SLC5A1: variants seen among roughly 807,000 people sequenced by gnomAD.
SLC5A1 encodes solute carrier family 5 member 1.
SLC5A1 carries 42 observed loss-of-function variants against 73.5 expected under a neutral mutation model. The ratio of observed to expected loss-of-function variants is 0.57; its 90% CI spans 0.45 to 0.74. The LOEUF (loss-of-function observed/expected upper bound fraction) is 0.74. Ranked by LOEUF, SLC5A1 falls within the 30% of genes least tolerant of loss-of-function variation. The probability of loss-of-function intolerance (pLI) is 0.00; values close to 1 mark genes in which losing one functional copy is unlikely to be tolerated. For synonymous variants in SLC5A1, 300 were observed against 317.4 expected (o/e 0.95, Z 0.58); for missense variants, 634 against 855.4 (o/e 0.74, Z 3.23).
At chr22:32,046,472 C>T (rs891926671) in intron 1 of SLC5A1, among the ~76,000 whole-genome samples, 2 of 151,942 alleles carry the variant, frequency 1.3e-5, no homozygotes, top group East Asian at 1.9e-4. Flanking sequence ...TAGAAACTCT[C>T]CCAAGTGGCT....
chr22:32,053,594 A>G (rs1009500833), intron 2 of SLC5A1, among the ~76,000 whole-genome samples: 1 of 152,152 alleles, frequency 6.6e-6, no homozygotes, highest in African/African-American at 2.4e-5. Context: ...TCTAGTTAGT[A>G]CCTAAGCATC....
At chr22:32,076,269 T>A (rs1004515371) in intron 5 of SLC5A1, among the ~76,000 whole-genome samples, 1 of 152,226 alleles carries the variant, frequency 6.6e-6, no homozygotes, top group African/African-American at 2.4e-5. Flanking sequence ...TGGTCACGTA[T>A]TTTTGGGCTC....
chr22:32,056,552 G>C (rs2093952267), intron 2 of SLC5A1, among the ~76,000 whole-genome samples: 1 of 148,864 alleles, frequency 6.7e-6, no homozygotes, highest in Non-Finnish European at 1.5e-5. Flanking sequence ...AAGATAGGCA[G>C]ACTTAACTGT....
At chr22:32,067,878 T>A in intron 3 of SLC5A1, 89 bp from the exon 4 acceptor site, 1 of 1,384,562 alleles carries the variant, frequency 7.2e-7, no homozygotes, top group South Asian at 1.2e-5. Context: ...TGCTGGGTAA[T>A]TTTTCTGCAG....
chr22:32,051,783 A>G (rs2093945406), intron 2 of SLC5A1, among the ~76,000 whole-genome samples: 1 of 152,262 alleles, frequency 6.6e-6, no homozygotes, highest in Non-Finnish European at 1.5e-5. Flanking sequence ...CAGATTCTAA[A>G]TATTTCTAGC....
In SLC5A1 at chr22:32,049,177, C is replaced by A. The variant is rs1238436723; in HGVS notation, c.136-766C>A. Reference sequence around the variant, plus strand: ...TATTATATATAATCTATATCTATATCTATATCTATATCTATATCTATATCT... The same window carrying A: ...TATTATATATAATCTATATCTATATATATATCTATATCTATATCTATATCT... On this transcript the variant is annotated intron_variant, in intron 1 of 14. Coordinates refer to ENST00000266088, the MANE Select transcript of SLC5A1 (RefSeq NM_000343.4). Among the ~76,000 whole-genome samples the A allele has an allele frequency of 5.5e-3, 94 of 17,054 alleles. 1 individual carries two copies. Among genetic ancestry groups the A allele is most frequent in the African/African-American group, 9.4e-3 (87 of 9,268 alleles). The allele number at this position is 17,054 out of a possible 152,430, so 11.2% of individuals were successfully genotyped here.
At chr22:32,063,323 G>A (rs760665869) in intron 2 of SLC5A1, among the ~76,000 whole-genome samples, 4 of 152,198 alleles carry the variant, frequency 2.6e-5, no homozygotes, top group Non-Finnish European at 4.4e-5. Context: ...AGGAGGGAAG[G>A]GACACTGATT....
At chr22:32,089,767 T>C (rs942871911) in intron 10 of SLC5A1, among the ~76,000 whole-genome samples, 2 of 152,162 alleles carry the variant, frequency 1.3e-5, no homozygotes, top group African/African-American at 4.8e-5. Context: ...ATGTATCAGA[T>C]GGATGATAGG....
chr22:32,049,879 T>A lies in SLC5A1; in HGVS notation c.136-64T>A. 4.6e-6 allele frequency: 6 copies of A among 1,304,596 alleles called. 1 individual carries two copies. In the South Asian group the frequency reaches 7.1e-5, roughly 15 times the overall value. 80.8% of individuals were successfully genotyped at this position (1,304,596 alleles called of 1,614,324 possible). On this transcript the variant is annotated intron_variant, in intron 1 of 14. Coordinates refer to ENST00000266088, the MANE Select transcript of SLC5A1 (RefSeq NM_000343.4). ...GAAGGTGCACGAATGGGGAGGTATGTCCTTTTGGCTGGCAAGGCCACTCTT... is the reference window on the plus strand; with the variant it reads ...GAAGGTGCACGAATGGGGAGGTATGACCTTTTGGCTGGCAAGGCCACTCTT...
At position 32,067,155 on chromosome 22, in the gene SLC5A1, G is replaced by C. The variant is rs992794114; in HGVS notation, c.312+116G>C. On this transcript the variant is annotated intron_variant, in intron 3 of 14. Transcript: ENST00000266088. ...TAGGGAACCCTTCAGGGTCACCCCAGGGTGCAGACAGAGGAGGGGCATGAC... is the reference window on the plus strand; with the variant it reads ...TAGGGAACCCTTCAGGGTCACCCCACGGTGCAGACAGAGGAGGGGCATGAC... The C allele has an allele frequency of 5.0e-6, 4 of 805,578 alleles. No homozygotes were observed. In the African/African-American group the frequency reaches 6.8e-5, roughly 14 times the overall value. 49.9% of individuals were successfully genotyped at this position (805,578 alleles called of 1,614,324 possible).
At position 32,068,485 on chromosome 22, in the gene SLC5A1, AC is replaced by A. The variant is rs778194598; in HGVS notation, c.373-7del. The A allele has an allele frequency of 3.7e-5, 59 of 1,596,126 alleles. No homozygotes were observed. The South Asian group carries it at 5.7e-4, about 16-fold the overall frequency. On this transcript the variant is annotated splice_polypyrimidine_tract_variant and intron_variant, in intron 4 of 14. Coordinates refer to ENST00000266088, the MANE Select transcript of SLC5A1 (RefSeq NM_000343.4). ...TGTGGCTGGCAGTGACCTCCCTCGC[AC>A]CCCATGCAGGTGGTGACAATGCCAG... is the stretch of plus-strand genomic sequence containing the variant.
chr22:32,067,356 T>TA lies in SLC5A1; in HGVS notation c.312+317_312+318insA, dbSNP rs879755326. Among the ~76,000 whole-genome samples, 345 of 118,276 alleles carry TA rather than the reference T, an allele frequency of 2.9e-3. 1 individual carries two copies. Among genetic ancestry groups the TA allele is most frequent in the African/African-American group, 8.5e-3 (277 of 32,606 alleles). 77.6% of individuals were successfully genotyped at this position (118,276 alleles called of 152,430 possible). A position where few individuals can be genotyped will look rare whatever the true frequency, so the allele number is the denominator to read the frequency against. ...AGATTTCCATTATTATTATTATTATTTTTTTTAAAAAAATTTTTATTATTT... is the reference window on the plus strand; with the variant it reads ...AGATTTCCATTATTATTATTATTATTATTTTTTAAAAAAATTTTTATTATTT... On this transcript the variant is annotated intron_variant, in intron 3 of 14. Coordinates refer to ENST00000266088, the MANE Select transcript of SLC5A1 (RefSeq NM_000343.4).
rs1280623387 is a variant in SLC5A1 at position 32,110,221 on chromosome 22, CT to C, written c.*12del. On this transcript the variant is annotated 3_prime_UTR_variant, in exon 15 of 15. Transcript: ENST00000266088. ...CATGCATATTTTGCCTGAGTCCTAC[CT>C]TTTGCTGTAGATTTACCATGGCTGG... 10 of 1,591,970 alleles carry C rather than the reference CT, an allele frequency of 6.3e-6. No individual in the cohort carries two copies. The highest frequency in any genetic ancestry group is 8.6e-6 in the Non-Finnish European group (10 of 1,160,534).
chr22:32,077,565 T>TAA (rs1437175535), intron 5 of SLC5A1, among the ~76,000 whole-genome samples: 2 of 152,196 alleles, frequency 1.3e-5, no homozygotes, highest in African/African-American at 4.8e-5. Flanking sequence ...TACAGTCCCC[T>TAA]ATTTTTATGA....
At chr22:32,087,168 A>G (rs2094009622) in intron 10 of SLC5A1, among the ~76,000 whole-genome samples, 1 of 152,182 alleles carries the variant, frequency 6.6e-6, no homozygotes, top group Non-Finnish European at 1.5e-5. Context: ...AGTTCAAGAG[A>G]TCTATTGTAC....
intron 5 of SLC5A1, 117 bp downstream of exon 5, chr22:32,068,717 C>G: frequency 1.4e-6 from 1 of 731,512 alleles, no homozygotes; most frequent in South Asian, 1.5e-5. Context: ...GCCCCTTAAG[C>G]CTTCTTGCGC....
At chr22:32,101,399 T>C (rs1311604009) in intron 12 of SLC5A1, among the ~76,000 whole-genome samples, 1 of 152,222 alleles carries the variant, frequency 6.6e-6, no homozygotes, top group Non-Finnish European at 1.5e-5. Flanking sequence ...GTCTTCCATA[T>C]TCTAATATGC....
intron 9 of SLC5A1, 121 bp downstream of exon 9, chr22:32,085,156 C>G: frequency 8.2e-7 from 1 of 1,215,984 alleles, no homozygotes; most frequent in Non-Finnish European, 1.2e-6. Flanking sequence ...CACTCTGTCA[C>G]CCAGGCTGGA....
At chr22:32,059,078 C>T in intron 2 of SLC5A1, 14 of 985,040 alleles carry the variant, frequency 1.4e-5, no homozygotes, top group Non-Finnish European at 1.7e-5. Flanking sequence ...AGAATGTCCT[C>T]TGTTAAGTGG....
Sources: allele counts gnomAD v4.1 joint callset (sites outside exome capture counted in the v4.1 genomes callset), GRCh38; gene constraint gnomAD v4.1.1; transcripts MANE v1.5; gene names NCBI Gene and HGNC (gene_info 2026-07-23, HGNC 2026-07-21).